The following TMPRSS11A variants were observed in gnomAD, a reference collection of about 807,000 sequenced individuals.
The protein encoded by TMPRSS11A is transmembrane protease serine 11A.
TMPRSS11A carries 53 observed loss-of-function variants against 58.9 expected under a neutral mutation model. That is an observed-to-expected ratio of 0.90 (90% CI 0.72 to 1.13). TMPRSS11A has a LOEUF of 1.13. Ranked by LOEUF, TMPRSS11A falls within the 50% of genes most tolerant of loss-of-function variation. TMPRSS11A has a pLI of 0.00. For synonymous variants in TMPRSS11A, 167 were observed against 169.8 expected, an observed-to-expected ratio of 0.98 and a Z score of 0.13; for missense variants, 493 against 499.3, an observed-to-expected ratio of 0.99 and a Z score of 0.12.
chr4:67,917,665 G>A (rs1024329578), intron 8 of TMPRSS11A, among the ~76,000 whole-genome samples: 5 of 152,160 alleles, frequency 3.3e-5, no homozygotes, highest in Admixed American at 2.6e-4. Context: ...GTAGGGTGGA[G>A]TGCTCTATAA....
intron 2 of TMPRSS11A, among the ~76,000 whole-genome samples, chr4:67,945,700 G>A (rs1358663895): frequency 2.0e-5 from 3 of 152,194 alleles, no homozygotes; most frequent in Non-Finnish European, 4.4e-5. Flanking sequence ...GCAGATAAGA[G>A]CGTTAAAGTG....
At chr4:67,938,414 G>A (rs1720804608) in intron 3 of TMPRSS11A, among the ~76,000 whole-genome samples, 2 of 152,048 alleles carry the variant, frequency 1.3e-5, no homozygotes, top group African/African-American at 4.8e-5. Context: ...AGTTTAATTA[G>A]GTCCAACTTA....
At chr4:67,958,016 C>T (rs1721329059) in intron 1 of TMPRSS11A, among the ~76,000 whole-genome samples, 1 of 152,132 alleles carries the variant, frequency 6.6e-6, no homozygotes, top group African/African-American at 2.4e-5. Context: ...CCTGCAGGTA[C>T]ACAGAAGTCA....
At chr4:67,914,771 A>G in intron 8 of TMPRSS11A, 41 bp from the exon 9 acceptor site, 1 of 1,569,596 alleles carries the variant, frequency 6.4e-7, no homozygotes, top group South Asian at 1.2e-5. Context: ...TACAATCAGC[A>G]TCTTTGGCTA....
At chr4:67,941,125 C>T (rs1720871465) in intron 3 of TMPRSS11A, among the ~76,000 whole-genome samples, 1 of 152,170 alleles carries the variant, frequency 6.6e-6, no homozygotes, top group African/African-American at 2.4e-5. Context: ...TAAATATGAA[C>T]TCATTTTACT....
At chr4:67,942,835 G>C (rs1480028170) in intron 3 of TMPRSS11A, among the ~76,000 whole-genome samples, 1 of 152,056 alleles carries the variant, frequency 6.6e-6, no homozygotes, top group Non-Finnish European at 1.5e-5. Flanking sequence ...CTATGAATTA[G>C]CAGCTAACAG....
Position 67,963,041 on chromosome 4 carries a change from G to A in TMPRSS11A, c.11+342C>T, listed in dbSNP as rs188775284. On this transcript the variant is annotated intron_variant, in intron 1 of 9. Transcript: ENST00000508048. Reference sequence around the variant, plus strand: ...ATTTTGTCAATATTGCTGAAAGAAGGCTTGTTTTAAAACATATAAACACCC... The same window carrying A: ...ATTTTGTCAATATTGCTGAAAGAAGACTTGTTTTAAAACATATAAACACCC... 3.9e-5 allele frequency among the ~76,000 whole-genome samples: 6 copies of A among 152,204 alleles called. No individual in the cohort carries two copies. The East Asian group carries it at 1.2e-3, about 29-fold the overall frequency.
intron 1 of TMPRSS11A, among the ~76,000 whole-genome samples, chr4:67,953,772 G>A (rs1212705784): frequency 6.6e-6 from 1 of 150,874 alleles, no homozygotes; most frequent in Non-Finnish European, 1.5e-5. Context: ...TCCAGCCTGG[G>A]CAACAAGACT....
intron 6 of TMPRSS11A, 57 bp downstream of exon 6, chr4:67,924,071 A>T: frequency 6.9e-7 from 1 of 1,441,488 alleles, no homozygotes; most frequent in Non-Finnish European, 9.8e-7. Flanking sequence ...CAAATATTTG[A>T]AAATGTCCTT....
At chr4:67,932,487 A>G (rs1317453356) in intron 3 of TMPRSS11A, among the ~76,000 whole-genome samples, 3 of 152,212 alleles carry the variant, frequency 2.0e-5, no homozygotes, top group African/African-American at 7.2e-5. Flanking sequence ...AGCGTATACT[A>G]CTTTTCCCAA....
At chr4:67,949,441 G>T (rs367864394) in intron 1 of TMPRSS11A, among the ~76,000 whole-genome samples, 1 of 152,168 alleles carries the variant, frequency 6.6e-6, no homozygotes, top group Non-Finnish European at 1.5e-5. Flanking sequence ...TAGCAGATGC[G>T]CACTGCCAGA....
At chr4:67,930,109 A>G in intron 4 of TMPRSS11A, 69 bp from the exon 5 acceptor site, 1 of 1,428,012 alleles carries the variant, frequency 7.0e-7, no homozygotes, top group Non-Finnish European at 9.6e-7. Flanking sequence ...TCTTACCTGT[A>G]TCTTCCTCCC....
intron 6 of TMPRSS11A, among the ~76,000 whole-genome samples, chr4:67,923,228 A>C (rs1029836914): frequency 3.3e-5 from 5 of 152,110 alleles, no homozygotes; most frequent in African/African-American, 1.2e-4. Context: ...TCTACTTTGG[A>C]ATTCTAATTT....
chr4:67,938,511 GT>G (rs1720805993), intron 3 of TMPRSS11A, among the ~76,000 whole-genome samples: 1 of 152,006 alleles, frequency 6.6e-6, no homozygotes, highest in African/African-American at 2.4e-5. Flanking sequence ...TATTTCCTAG[GT>G]TTTCTTCTAG....
chr4:67,921,042 T>A (rs183369666), intron 7 of TMPRSS11A, among the ~76,000 whole-genome samples: 5 of 152,276 alleles, frequency 3.3e-5, no homozygotes, highest in Admixed American at 3.3e-4. Flanking sequence ...AACTAAAGAA[T>A]AGCTGTTATA....
At chr4:67,939,595 G>A (rs1022494385) in intron 3 of TMPRSS11A, among the ~76,000 whole-genome samples, 1 of 152,064 alleles carries the variant, frequency 6.6e-6, no homozygotes, top group Non-Finnish European at 1.5e-5. Context: ...TTTCTTCGAT[G>A]CCTAGTCTAA....
Position 67,931,978 on chromosome 4 carries a change from C to G in TMPRSS11A, c.320+15G>C. The G allele has an allele frequency of 1.3e-6, 2 of 1,553,706 alleles. No individual in the cohort carries two copies. Among genetic ancestry groups the G allele is most frequent in the Middle Eastern group, 3.4e-4 (2 of 5,922 alleles). On this transcript the variant is annotated intron_variant, in intron 4 of 9. Transcript: ENST00000508048. ...CTCCAGTCTTGTGATTCCACCTTTG[C>G]CCAAACATACATACGTCAGTCTGAC...
chr4:67,946,488 G>A lies in TMPRSS11A; in HGVS notation c.95C>T (p.Ala32Val). The stretch of plus-strand genomic sequence containing the variant: ...GTGAACCAGGAGACCTATGGTCACT[G>A]CCACCACTGTCAGGGACAACACAAT... The part of the protein sequence containing the change: ...VLIVLSLTVV[A>V]VTIGLLVHFL... Residue 32 changes from alanine to valine, a missense_variant, in exon 2 of 10, where the codon GCA (alanine) becomes GTA (valine). Physicochemically the swap from Ala to Val is moderately conservative, Grantham distance 64 (BLOSUM62 0). Coordinates refer to ENST00000508048, the MANE Select transcript of TMPRSS11A (RefSeq NM_001114387.2). 6.2e-7 allele frequency: 1 copy of A among 1,609,684 alleles called. No homozygotes were observed. Among genetic ancestry groups the A allele is most frequent in the East Asian group, 2.2e-5 (1 of 44,464 alleles).
intron 1 of TMPRSS11A, 35 bp from the exon 2 acceptor site, chr4:67,946,606 A>C: frequency 6.3e-7 from 1 of 1,586,790 alleles, no homozygotes; most frequent in Non-Finnish European, 8.6e-7. Flanking sequence ...TTACTCTCAG[A>C]TAGCAATGCT....
Sources: allele counts gnomAD v4.1 joint callset (sites outside exome capture counted in the v4.1 genomes callset), GRCh38; gene constraint gnomAD v4.1.1; transcripts MANE v1.5; gene names NCBI Gene and HGNC (gene_info 2026-07-23, HGNC 2026-07-21).